The following ERBB4 variants were observed in gnomAD, a reference collection of about 807,000 sequenced individuals.
ERBB4 encodes receptor tyrosine-protein kinase erbB-4.
A neutral mutation model predicts 158.0 loss-of-function variants in ERBB4; 42 were observed. The observed-to-expected ratio is 0.27, with a 90% CI of 0.21 to 0.34. The LOEUF (loss-of-function observed/expected upper bound fraction) is 0.34. ERBB4 is among the 10% of genes least tolerant of loss of function. ERBB4 has a pLI of 1.00. For synonymous variants in ERBB4, 583 were observed against 558.7 expected, an observed-to-expected ratio of 1.04 and a Z score of -0.61; for missense variants, 1,333 against 1,624.1, an observed-to-expected ratio of 0.82 and a Z score of 3.08.
intron 20 of ERBB4, among the ~76,000 whole-genome samples, chr2:211,479,735 G>T (rs1279727236): frequency 1.3e-5 from 2 of 152,050 alleles, no homozygotes; most frequent in Non-Finnish European, 2.9e-5. Flanking sequence ...TGGGACTACT[G>T]CTGTGTGTCC....
At chr2:211,586,076 T>A (rs1249624185) in intron 19 of ERBB4, among the ~76,000 whole-genome samples, 1 of 152,110 alleles carries the variant, frequency 6.6e-6, no homozygotes, top group African/African-American at 2.4e-5. Flanking sequence ...TGAAGTAGAG[T>A]TTTATCAGAT....
At chr2:212,351,624 T>C (rs1384012676) in intron 1 of ERBB4, among the ~76,000 whole-genome samples, 5 of 152,116 alleles carry the variant, frequency 3.3e-5, no homozygotes, top group Non-Finnish European at 7.4e-5. Flanking sequence ...TTAATTAAAA[T>C]TAAATAAAAT....
chr2:212,174,921 C>G (rs2081615973), intron 1 of ERBB4, among the ~76,000 whole-genome samples: 1 of 152,036 alleles, frequency 6.6e-6, no homozygotes, highest in Admixed American at 6.6e-5. Context: ...ACAGGTTCAT[C>G]TCTTGCCATT....
At chr2:212,221,407 T>C (rs1311236687) in intron 1 of ERBB4, among the ~76,000 whole-genome samples, 2 of 151,490 alleles carry the variant, frequency 1.3e-5, no homozygotes, top group African/African-American at 4.8e-5. Context: ...CAAAGAGAAG[T>C]ATAAAATCAG....
intron 16 of ERBB4, among the ~76,000 whole-genome samples, chr2:211,648,099 T>C (rs970546910): frequency 6.6e-6 from 1 of 151,886 alleles, no homozygotes; most frequent in African/African-American, 2.4e-5. Flanking sequence ...CAGTATTATA[T>C]TTATTTGCCT....
At chr2:212,025,145 G>A (rs750877310) in intron 2 of ERBB4, among the ~76,000 whole-genome samples, 2 of 151,816 alleles carry the variant, frequency 1.3e-5, no homozygotes, top group Non-Finnish European at 3.0e-5. Context: ...CTGGTACACG[G>A]TAACTCCTTG....
At chr2:211,942,298 A>G (rs890784404) in intron 3 of ERBB4, among the ~76,000 whole-genome samples, 3 of 151,712 alleles carry the variant, frequency 2.0e-5, no homozygotes, top group Admixed American at 6.6e-5. Flanking sequence ...AAATTTTACA[A>G]CATTTACATG....
chr2:211,596,252 T>C (rs2068626867), intron 19 of ERBB4, among the ~76,000 whole-genome samples: 1 of 151,588 alleles, frequency 6.6e-6, no homozygotes, highest in Non-Finnish European at 1.5e-5. Flanking sequence ...TGAATAATAA[T>C]GAAAGCATAC....
At chr2:212,260,194 A>T (rs1470042587) in intron 1 of ERBB4, among the ~76,000 whole-genome samples, 1 of 152,190 alleles carries the variant, frequency 6.6e-6, no homozygotes, top group Non-Finnish European at 1.5e-5. Context: ...CTTGTTTTTA[A>T]ATGAAACTGT....
At chr2:212,086,001 T>C (rs528736009) in intron 2 of ERBB4, among the ~76,000 whole-genome samples, 2 of 152,054 alleles carry the variant, frequency 1.3e-5, no homozygotes, top group South Asian at 4.1e-4. Context: ...GAGCTATACA[T>C]CTGAGAACTT....
At chr2:212,071,226 A>C (rs1260643384) in intron 2 of ERBB4, among the ~76,000 whole-genome samples, 1 of 151,950 alleles carries the variant, frequency 6.6e-6, no homozygotes, top group Admixed American at 6.6e-5. Flanking sequence ...TTTAACAAAC[A>C]TCTATCTGAT....
At chr2:211,643,594 T>C (rs901698829) in intron 16 of ERBB4, among the ~76,000 whole-genome samples, 26 of 152,240 alleles carry the variant, frequency 1.7e-4, no homozygotes, top group African/African-American at 6.3e-4. Context: ...TCAAGATATT[T>C]GCATTTTTAA....
chr2:211,517,885 A>G (rs530948515), intron 20 of ERBB4, among the ~76,000 whole-genome samples: 29 of 152,214 alleles, frequency 1.9e-4, no homozygotes, highest in African/African-American at 6.7e-4. Context: ...TTGTGAGATG[A>G]CAGCTTCCTT....
intron 5 of ERBB4, among the ~76,000 whole-genome samples, chr2:211,737,018 T>C (rs140610350): frequency 1.2e-4 from 19 of 152,328 alleles, no homozygotes; most frequent in Admixed American, 1.2e-3. Flanking sequence ...TTACTTATTA[T>C]ATTTGTTGTT....
At chr2:211,586,262 T>C (rs901460485) in intron 19 of ERBB4, among the ~76,000 whole-genome samples, 1 of 152,056 alleles carries the variant, frequency 6.6e-6, no homozygotes, top group Non-Finnish European at 1.5e-5. Flanking sequence ...AAGAAAAATA[T>C]TTGTAATTTT....
intron 20 of ERBB4, among the ~76,000 whole-genome samples, chr2:211,431,308 G>A (rs575036001): frequency 6.6e-6 from 1 of 152,292 alleles, no homozygotes; most frequent in East Asian, 1.9e-4. Flanking sequence ...AAAGTCCTAT[G>A]AGATGAAAGA....
At chr2:211,677,113 C>A (rs1485189132) in intron 13 of ERBB4, among the ~76,000 whole-genome samples, 2 of 152,018 alleles carry the variant, frequency 1.3e-5, no homozygotes, top group Admixed American at 1.3e-4. Context: ...GGACATCTTG[C>A]AAAGAAGAGA....
At chr2:212,412,341 C>T (rs1029060627) in intron 1 of ERBB4, among the ~76,000 whole-genome samples, 22 of 152,176 alleles carry the variant, frequency 1.4e-4, no homozygotes, top group African/African-American at 4.1e-4. Flanking sequence ...TGGATAAGGA[C>T]GGTGTTTCCC....
intron 4 of ERBB4, among the ~76,000 whole-genome samples, chr2:211,772,535 G>A (rs1033897154): frequency 6.6e-6 from 1 of 151,768 alleles, no homozygotes; most frequent in African/African-American, 2.4e-5. Context: ...TCTCAGTAGT[G>A]GGGGATATCT....
Sources: allele counts gnomAD v4.1 joint callset (sites outside exome capture counted in the v4.1 genomes callset), GRCh38; gene constraint gnomAD v4.1.1; transcripts MANE v1.5; gene names NCBI Gene and HGNC (gene_info 2026-07-23, HGNC 2026-07-21).